The following JADE2 variants were observed in gnomAD, a reference collection of about 807,000 sequenced individuals.
JADE2 encodes jade family PHD finger 2.
JADE2 carries 13 observed loss-of-function variants against 85.7 expected under a neutral mutation model. That is an observed-to-expected ratio of 0.15 (90% confidence interval 0.10 to 0.24). The LOEUF is 0.24. JADE2 is among the 10% of genes least tolerant of loss of function. The probability of loss-of-function intolerance (pLI) is 1.00; values close to 1 mark genes in which losing one functional copy is unlikely to be tolerated. For missense variants in JADE2, 846 were observed against 1,115.9 expected, an observed-to-expected ratio of 0.76 and a Z score of 3.45; for synonymous variants, 440 against 456.1, an observed-to-expected ratio of 0.96 and a Z score of 0.45.
chr5:134,572,245 C>A (rs1313526399), intron 9 of JADE2, among the ~76,000 whole-genome samples: 1 of 152,202 alleles, frequency 6.6e-6, no homozygotes, highest in African/African-American at 2.4e-5. Context: ...GGAGCTGAGG[C>A]TCAGAGGTGG....
intron 8 of JADE2, 27 bp downstream of exon 8, chr5:134,564,637 G>T: frequency 1.4e-6 from 2 of 1,426,858 alleles, no homozygotes; most frequent in Non-Finnish European, 1.9e-6. Context: ...ACCTCCTGCT[G>T]CCAGGAGCTG....
chr5:134,567,711 G>A (rs1185407197), intron 9 of JADE2, among the ~76,000 whole-genome samples: 2 of 152,190 alleles, frequency 1.3e-5, no homozygotes, highest in Admixed American at 6.5e-5. Context: ...GTCAGGGAAG[G>A]GGCACTGGAC....
In JADE2 at chr5:134,534,727, A is replaced by G. The variant is rs553659327; in HGVS notation, c.1-1131A>G. 6.6e-5 allele frequency among the ~76,000 whole-genome samples: 10 copies of G among 152,200 alleles called. No homozygotes were observed. In the East Asian group the frequency reaches 1.5e-3, roughly 24 times the overall value. On this transcript the variant is annotated intron_variant, in intron 1 of 11. Coordinates refer to ENST00000681547, the MANE Select transcript of JADE2 (RefSeq NM_001388185.1). ...CTCTACTGACACAGACTCCCTCCCT[A>G]TCCTTTGCTGTGGGGAGTCAGTCAG...
chr5:134,557,537 G>A (rs1230631635), intron 4 of JADE2, among the ~76,000 whole-genome samples: 3 of 73,902 alleles, frequency 4.1e-5, no homozygotes, highest in East Asian at 6.4e-4. Context: ...CCCCTCCCCC[G>A]AACCCACCAC....
chr5:134,552,785 A>G (rs1332509806), intron 4 of JADE2, among the ~76,000 whole-genome samples: 1 of 151,512 alleles, frequency 6.6e-6, no homozygotes, highest in Admixed American at 6.6e-5. Flanking sequence ...CAGTCCTCCC[A>G]CCTCAGCCTC....
intron 3 of JADE2, among the ~76,000 whole-genome samples, chr5:134,541,353 G>A (rs1223509874): frequency 1.3e-5 from 2 of 152,250 alleles, no homozygotes; most frequent in African/African-American, 4.8e-5. Flanking sequence ...TGGCTCATGA[G>A]AGGGCAGAGA....
upstream of JADE2, among the ~76,000 whole-genome samples, chr5:134,525,189 G>A (rs2149833964): frequency 6.6e-6 from 1 of 151,792 alleles, no homozygotes; most frequent in East Asian, 1.9e-4. Flanking sequence ...AAGGTTGCGG[G>A]GGGCGCCGCC....
Position 134,560,771 on chromosome 5 carries a change from A to C in JADE2, c.498A>C (p.Thr166=). 5 of 1,613,966 alleles carry C rather than the reference A, an allele frequency of 3.1e-6. No homozygotes were observed. The highest frequency in any genetic ancestry group is 4.2e-6 in the Non-Finnish European group (5 of 1,179,936). Residue 166 remains threonine, a synonymous_variant, in exon 6 of 12, where the codon ACA becomes ACC. Coordinates refer to ENST00000681547, the MANE Select transcript of JADE2 (RefSeq NM_001388185.1). ...EMERPELDEL[T]LERVLEELET... ...AGAGGCCGGAGCTGGACGAGCTGAC[A>C]TTAGAGCGTGTGCTGGAGGAGCTGG...
rs937547171 is a variant in JADE2, at chr5:134,566,655, T to A, written c.1434+75T>A. 4 of 1,141,420 alleles carry A rather than the reference T, an allele frequency of 3.5e-6. No homozygotes were observed. The highest frequency in any genetic ancestry group is 4.9e-6 in the Non-Finnish European group (4 of 813,800). The allele number at this position is 1,141,420 out of a possible 1,614,324, so 70.7% of individuals were successfully genotyped here. On this transcript the variant is annotated intron_variant, in intron 9 of 11. Coordinates refer to ENST00000681547, the MANE Select transcript of JADE2 (RefSeq NM_001388185.1). The surrounding 1 kb of genome is among the most constrained non-coding windows in gnomAD (Gnocchi z 6.7). ...CCTTTCCATGCCACACTCACTGCCCTGGAGCAGCTAGGACTCACCAGGACT... is the reference window on the plus strand; with the variant it reads ...CCTTTCCATGCCACACTCACTGCCCAGGAGCAGCTAGGACTCACCAGGACT...
intron 1 of JADE2, chr5:134,526,867 G>A: frequency 1.5e-6 from 1 of 685,034 alleles, no homozygotes; most frequent in South Asian, 6.4e-5. Context: ...GGCGCTGGGA[G>A]AGTGGAAATG....
chr5:134,577,731 G>C (rs970389063), intron 11 of JADE2, among the ~76,000 whole-genome samples: 4 of 152,114 alleles, frequency 2.6e-5, no homozygotes, highest in Non-Finnish European at 4.4e-5. Context: ...GGGATAACTT[G>C]GGTGTCTAAC....
intron 10 of JADE2, chr5:134,575,328 A>G (rs1764288541): frequency 6.6e-6 from 1 of 152,266 alleles, no homozygotes; most frequent in African/African-American, 2.4e-5. Flanking sequence ...CTCCTAGTGG[A>G]GATGATATTT....
At chr5:134,568,326 C>T (rs1461083177) in intron 9 of JADE2, among the ~76,000 whole-genome samples, 1 of 152,170 alleles carries the variant, frequency 6.6e-6, no homozygotes, top group African/African-American at 2.4e-5. Context: ...GGACCTCAGT[C>T]GGGGGCAGAA....
At chr5:134,572,013 A>T (rs1294754213) in intron 9 of JADE2, among the ~76,000 whole-genome samples, 1 of 152,256 alleles carries the variant, frequency 6.6e-6, no homozygotes, top group Non-Finnish European at 1.5e-5. Flanking sequence ...CCTGAGAAGA[A>T]AGGGGCCCCA....
intron 9 of JADE2, among the ~76,000 whole-genome samples, chr5:134,569,675 C>T (rs1207136036): frequency 2.0e-5 from 3 of 152,102 alleles, no homozygotes; most frequent in South Asian, 2.1e-4. Context: ...AGGGTGGAGG[C>T]GGCTCTGAGA....
chr5:134,577,061 A>G, intron 11 of JADE2, 165 bp downstream of exon 11: 15 of 713,404 alleles, frequency 2.1e-5, no homozygotes, highest in Non-Finnish European at 3.1e-5. Context: ...TCCACCCACA[A>G]AGGAGACAGA....
At chr5:134,571,098 G>T (rs1763975020) in intron 9 of JADE2, among the ~76,000 whole-genome samples, 1 of 152,232 alleles carries the variant, frequency 6.6e-6, no homozygotes, top group South Asian at 2.1e-4. Context: ...CCAGCTTCTG[G>T]TGGTTGCCAG....
chr5:134,524,321 A>T (rs1301175098), upstream of JADE2: 1 of 152,406 alleles, frequency 6.6e-6, no homozygotes, highest in Non-Finnish European at 1.5e-5. Context: ...GAACAGACCC[A>T]AGGCCCCGCC....
At chr5:134,550,794 G>A (rs1762544772) in intron 3 of JADE2, among the ~76,000 whole-genome samples, 1 of 152,184 alleles carries the variant, frequency 6.6e-6, no homozygotes, top group South Asian at 2.1e-4. Flanking sequence ...GGAGGTGGGA[G>A]CAGCAGACAA....
Sources: allele counts gnomAD v4.1 joint callset (sites outside exome capture counted in the v4.1 genomes callset), GRCh38; gene constraint gnomAD v4.1.1; non-coding constraint Gnocchi (gnomAD v3.1); transcripts MANE v1.5; gene names NCBI Gene and HGNC (gene_info 2026-07-23, HGNC 2026-07-21).